COL4A1: variants seen among roughly 807,000 people sequenced by gnomAD.
The protein encoded by COL4A1 is collagen alpha-1(IV) chain.
Under a neutral mutation model 216.6 loss-of-function variants are expected in COL4A1, and 40 were observed. That is an observed-to-expected ratio of 0.18 (90% confidence interval 0.14 to 0.24). The LOEUF (loss-of-function observed/expected upper bound fraction) is 0.24, where lower values mean the gene tolerates loss of function less well. Among genes scored for constraint, COL4A1 ranks in the 10% least tolerant of loss-of-function variants. The probability of loss-of-function intolerance (pLI) is 1.00; values close to 1 mark genes in which losing one functional copy is unlikely to be tolerated. For missense variants in COL4A1, 1,628 were observed against 2,196.8 expected (o/e 0.74, Z 5.18); for synonymous variants, 839 against 810.7 (o/e 1.03, Z -0.59).
At chr13:110,261,131 C>A (rs535791885) in intron 1 of COL4A1, among the ~76,000 whole-genome samples, 1 of 151,562 alleles carries the variant, frequency 6.6e-6, no homozygotes, top group African/African-American at 2.4e-5. Flanking sequence ...TTCACCAATT[C>A]CATGAACTCC....
chr13:110,238,600 A>G (rs527354930), intron 2 of COL4A1, among the ~76,000 whole-genome samples: 2 of 152,106 alleles, frequency 1.3e-5, no homozygotes, highest in Non-Finnish European at 2.9e-5. Flanking sequence ...TGTTTTCCCA[A>G]CAGATTCTCC....
intron 1 of COL4A1, among the ~76,000 whole-genome samples, chr13:110,259,471 T>C (rs1420588285): frequency 6.6e-6 from 1 of 152,236 alleles, no homozygotes; most frequent in Non-Finnish European, 1.5e-5. Context: ...AATCTTATTT[T>C]AGCCTAAGGA....
At chr13:110,165,102 A>C in intron 45 of COL4A1, 112 bp from the exon 46 acceptor site, 1 of 1,472,170 alleles carries the variant, frequency 6.8e-7, no homozygotes. Context: ...TACTTCTCAA[A>C]GGTAAAGTCA....
At chr13:110,240,440 C>T (rs1471364488) in intron 2 of COL4A1, among the ~76,000 whole-genome samples, 1 of 152,224 alleles carries the variant, frequency 6.6e-6, no homozygotes, top group Non-Finnish European at 1.5e-5. Flanking sequence ...AAAGCTGGCC[C>T]CTGTAGGAAG....
intron 51 of COL4A1, among the ~76,000 whole-genome samples, chr13:110,151,421 T>C (rs1876492103): frequency 2.0e-5 from 3 of 152,178 alleles, no homozygotes; most frequent in South Asian, 4.1e-4. Context: ...ATCTGCAGCA[T>C]GGATGTCAAG....
chr13:110,200,743 G>T, intron 20 of COL4A1, 111 bp downstream of exon 20: 1 of 1,152,414 alleles, frequency 8.7e-7, no homozygotes, highest in Non-Finnish European at 1.3e-6. Flanking sequence ...TCGTAAGATT[G>T]CTACCGATTG....
intron 1 of COL4A1, among the ~76,000 whole-genome samples, chr13:110,283,554 A>G (rs1883722225): frequency 6.6e-6 from 1 of 152,240 alleles, no homozygotes; most frequent in Non-Finnish European, 1.5e-5. Flanking sequence ...CTTTCTGTGT[A>G]TACAGACATC....
chr13:110,246,893 A>G (rs978783855), intron 1 of COL4A1, among the ~76,000 whole-genome samples: 1 of 152,120 alleles, frequency 6.6e-6, no homozygotes, highest in Non-Finnish European at 1.5e-5. Context: ...CCGAGTGGTC[A>G]TGAGGATGAA....
At chr13:110,285,483 G>C (rs1400951513) in intron 1 of COL4A1, among the ~76,000 whole-genome samples, 1 of 152,200 alleles carries the variant, frequency 6.6e-6, no homozygotes, top group Non-Finnish European at 1.5e-5. Context: ...CTTGAGCTAA[G>C]CTACTGTGAT....
At chr13:110,260,567 G>A (rs906608426) in intron 1 of COL4A1, among the ~76,000 whole-genome samples, 4 of 152,146 alleles carry the variant, frequency 2.6e-5, no homozygotes, top group African/African-American at 4.8e-5. Context: ...GGCCATCTCC[G>A]GCCCAAGCTT....
chr13:110,178,383 T>C (rs1287827026), intron 31 of COL4A1, 152 bp from the exon 32 acceptor site: 3 of 935,190 alleles, frequency 3.2e-6, no homozygotes, highest in Non-Finnish European at 5.0e-6. Flanking sequence ...GTGTTGGTGT[T>C]TGGGGTCATC....
intron 1 of COL4A1, among the ~76,000 whole-genome samples, chr13:110,272,077 G>C (rs1429131306): frequency 6.6e-6 from 1 of 152,116 alleles, no homozygotes; most frequent in Non-Finnish European, 1.5e-5. Context: ...ACATAAATTA[G>C]GCCAGAAATT....
At chr13:110,254,787 A>G (rs1337994708) in intron 1 of COL4A1, among the ~76,000 whole-genome samples, 1 of 152,190 alleles carries the variant, frequency 6.6e-6, no homozygotes, top group Non-Finnish European at 1.5e-5. Flanking sequence ...TCCCCATCCT[A>G]AAAAGATAAA....
intron 23 of COL4A1, 88 bp from the exon 24 acceptor site, chr13:110,192,372 A>T: frequency 7.9e-7 from 1 of 1,264,766 alleles, no homozygotes; most frequent in East Asian, 2.3e-5. Flanking sequence ...AAGCATAAAA[A>T]TCTGTATAGG....
chr13:110,219,770 G>GTA (rs1233701504), intron 2 of COL4A1, among the ~76,000 whole-genome samples: 41 of 130,038 alleles, frequency 3.2e-4, no homozygotes, highest in African/African-American at 1.0e-3. Context: ...GCGTATATAT[G>GTA]TATATATATG....
intron 1 of COL4A1, among the ~76,000 whole-genome samples, chr13:110,286,495 C>T (rs1030953616): frequency 1.3e-5 from 2 of 152,164 alleles, no homozygotes; most frequent in Non-Finnish European, 2.9e-5. Flanking sequence ...AGTATCATGC[C>T]AAGAAATCCA....
Position 110,167,249 on chromosome 13 carries a change from G to T in COL4A1, c.3877-19C>A, listed in dbSNP as rs778128340. On this transcript the variant is annotated intron_variant, in intron 43 of 51. Transcript: ENST00000375820. The stretch of plus-strand genomic sequence containing the variant: ...CAATACCCTAGACACGCAAAGAGGA[G>T]GTTGGGAATTGCTCAGGATATGTAG... The T allele has an allele frequency of 4.4e-6, 7 of 1,593,864 alleles. No individual in the cohort carries two copies. In the Admixed American group the frequency reaches 6.7e-5, roughly 15 times the overall value.
In COL4A1 at chr13:110,243,275, A is replaced by T. The variant is rs575288853; in HGVS notation, c.85-541T>A. ...CCTTTTTGAATTCAATTAAAGCTTGAACGTCACATTAAAGAACAGTCAACA... is the reference window on the plus strand; with the variant it reads ...CCTTTTTGAATTCAATTAAAGCTTGTACGTCACATTAAAGAACAGTCAACA... On this transcript the variant is annotated intron_variant, in intron 1 of 51. Transcript: ENST00000375820. Among the ~76,000 whole-genome samples the T allele has an allele frequency of 2.1e-4, 32 of 152,332 alleles. No homozygotes were observed. In the South Asian group the frequency reaches 6.0e-3, roughly 29 times the overall value.
intron 1 of COL4A1, among the ~76,000 whole-genome samples, chr13:110,263,679 G>T (rs1179412215): frequency 6.6e-6 from 1 of 152,090 alleles, no homozygotes; most frequent in Non-Finnish European, 1.5e-5. Context: ...GAATGAAAAA[G>T]TAGATTTTGC....
Sources: allele counts gnomAD v4.1 joint callset (sites outside exome capture counted in the v4.1 genomes callset), GRCh38; gene constraint gnomAD v4.1.1; transcripts MANE v1.5; gene names NCBI Gene and HGNC (gene_info 2026-07-23, HGNC 2026-07-21).